The following POLG variants were observed in gnomAD, a reference collection of about 807,000 sequenced individuals.
The protein encoded by POLG is DNA polymerase subunit gamma-1.
In POLG, 110 loss-of-function variants were observed where a neutral mutation model predicts 155.4. That is an observed-to-expected ratio of 0.71 (90% CI 0.61 to 0.83). The LOEUF (loss-of-function observed/expected upper bound fraction) is 0.83, where lower values mean the gene tolerates loss of function less well. Among genes scored for constraint, POLG ranks in the 40% least tolerant of loss-of-function variants. The pLI is 0.00. For missense variants in POLG, 1,685 were observed against 1,627.5 expected, an observed-to-expected ratio of 1.04 and a Z score of -0.61; for synonymous variants, 701 against 631.5, an observed-to-expected ratio of 1.11 and a Z score of -1.65.
chr15:89,316,637 T>A lies in POLG; in HGVS notation c.*114A>T. 8.7e-7 allele frequency: 1 copy of A among 1,150,338 alleles called. No homozygotes were observed. Among genetic ancestry groups the A allele is most frequent in the African/African-American group, 1.5e-5 (1 of 65,492 alleles). The allele number at this position is 1,150,338 out of a possible 1,614,324, so 71.3% of individuals were successfully genotyped here. Reference sequence around the variant, plus strand: ...CTTGGCAGGTCCTGCTACTGAAAAATGGCTGGCCTTAGGCAAGCCCTTTTG... The same window carrying A: ...CTTGGCAGGTCCTGCTACTGAAAAAAGGCTGGCCTTAGGCAAGCCCTTTTG... On this transcript the variant is annotated 3_prime_UTR_variant, in exon 23 of 23. Coordinates refer to ENST00000268124, the MANE Select transcript of POLG (RefSeq NM_002693.3).
chr15:89,325,207 AGAGTGAGT>A (rs1160459800), intron 10 of POLG, among the ~76,000 whole-genome samples: 4 of 67,314 alleles, frequency 5.9e-5, no homozygotes, highest in Admixed American at 1.2e-4. Context: ...AGTGAGTGAG[AGAGTGAGT>A]GAGTGAGAGA....
chr15:89,333,920 G>A lies in POLG; in HGVS notation c.-159-7C>T, dbSNP rs187776696. ...CTGCCTTCCACCCCAAATCCTAAAGGAGACAGATGATATAAAGCGTTATTT... is the reference window on the plus strand; with the variant it reads ...CTGCCTTCCACCCCAAATCCTAAAGAAGACAGATGATATAAAGCGTTATTT... On this transcript the variant is annotated splice_region_variant and splice_polypyrimidine_tract_variant and intron_variant, in intron 1 of 22. Coordinates refer to ENST00000268124, the MANE Select transcript of POLG (RefSeq NM_002693.3). 1.4e-6 allele frequency: 1 copy of A among 714,392 alleles called. No individual in the cohort carries two copies. Among genetic ancestry groups the A allele is most frequent in the Non-Finnish European group, 2.3e-6 (1 of 427,630 alleles). The allele number at this position is 714,392 out of a possible 1,614,324, so 44.3% of individuals were successfully genotyped here. A position where few individuals can be genotyped will look rare whatever the true frequency, so the allele number is the denominator to read the frequency against.
chr15:89,320,677 G>A, intron 18 of POLG, 89 bp downstream of exon 18: 1 of 1,444,876 alleles, frequency 6.9e-7, no homozygotes, highest in Non-Finnish European at 9.6e-7. Context: ...CAAGTAATGG[G>A]CAGGAGATAG....
intron 2 of POLG, among the ~76,000 whole-genome samples, chr15:89,331,450 G>A (rs1257573002): frequency 3.3e-5 from 5 of 152,236 alleles, no homozygotes; most frequent in Admixed American, 2.6e-4. Flanking sequence ...CTCTGCAGCT[G>A]TGCATGAAGC....
In POLG at chr15:89,322,026, A is replaced by G; in HGVS notation, c.2427-11T>C. 1 of 1,613,778 alleles carries G rather than the reference A, an allele frequency of 6.2e-7. No individual in the cohort carries two copies. Among genetic ancestry groups the G allele is most frequent in the Non-Finnish European group, 8.5e-7 (1 of 1,179,646 alleles). On this transcript the variant is annotated splice_polypyrimidine_tract_variant and intron_variant, in intron 14 of 22. Transcript: ENST00000268124. ...ACCACCATCTGGGAGCTGTGGGGACAGACAACGTGAGGCTCAGCACAGCCA... is the reference window on the plus strand; with the variant it reads ...ACCACCATCTGGGAGCTGTGGGGACGGACAACGTGAGGCTCAGCACAGCCA...
intron 12 of POLG, 145 bp from the exon 13 acceptor site, chr15:89,323,656 T>A (rs2055430246): frequency 1.2e-6 from 1 of 818,220 alleles, no homozygotes; most frequent in Non-Finnish European, 2.1e-6. Context: ...ACCCAGGCTT[T>A]CTCCTTGCTC....
rs769536434 is a variant in POLG, at chr15:89,321,928, TCTC to T, written c.2480+31_2480+33del. 8.7e-6 allele frequency: 14 copies of T among 1,612,302 alleles called. No homozygotes were observed. In the Middle Eastern group the frequency reaches 5.0e-4, roughly 57 times the overall value. ...TTAGGACCTACCACCTCACCTCAGT[TCTC>T]CTATCCCTACAACCACTCAGCAGAC... On this transcript the variant is annotated intron_variant, in intron 15 of 22. Coordinates refer to ENST00000268124, the MANE Select transcript of POLG (RefSeq NM_002693.3).
At chr15:89,325,803 C>T in intron 9 of POLG, 117 bp from the exon 10 acceptor site, 2 of 843,618 alleles carry the variant, frequency 2.4e-6, no homozygotes, top group South Asian at 2.7e-5. Flanking sequence ...TTTCTGGTGA[C>T]CCCAGCCTAC....
Position 89,333,524 on chromosome 15 carries a change from C to G in POLG, c.231G>C (p.Gln77His), listed in dbSNP as rs750555988. The G allele has an allele frequency of 6.2e-7, 1 of 1,612,928 alleles. No homozygotes were observed. The highest frequency in any genetic ancestry group is 8.5e-7 in the Non-Finnish European group (1 of 1,179,716). ...GQLRHNPLDI[Q>H]MLSRGLHEQI... ...GCTCGTGCAGCCCTCTCGAGAGCATCTGGATGTCCAATGGGTTGTGCCGCA... is the reference window on the plus strand; with the variant it reads ...GCTCGTGCAGCCCTCTCGAGAGCATGTGGATGTCCAATGGGTTGTGCCGCA... Residue 77 changes from glutamine to histidine, a missense_variant, in exon 2 of 23, where the codon CAG (glutamine) becomes CAC (histidine). Transcript: ENST00000268124.
intron 2 of POLG, 44 bp downstream of exon 2, chr15:89,333,052 G>A (rs756443693): frequency 2.7e-6 from 4 of 1,499,738 alleles, no homozygotes; most frequent in East Asian, 4.6e-5. Flanking sequence ...CTATTAAGCT[G>A]GGCCCCCATG....
At chr15:89,317,220 C>G (rs2055301061) in intron 22 of POLG, 156 bp downstream of exon 22, 14 of 689,736 alleles carry the variant, frequency 2.0e-5, no homozygotes, top group Non-Finnish European at 3.4e-5. Flanking sequence ...CACATTCACT[C>G]TGGACACAGG....
chr15:89,327,719 C>T (rs1369322359), intron 6 of POLG, among the ~76,000 whole-genome samples: 1 of 152,096 alleles, frequency 6.6e-6, no homozygotes, highest in African/African-American at 2.4e-5. Context: ...TGGTAAAATA[C>T]AGCTGACATT....
chr15:89,320,663 A>T, intron 18 of POLG, 103 bp downstream of exon 18: 1 of 1,311,042 alleles, frequency 7.6e-7, no homozygotes, highest in Non-Finnish European at 1.1e-6. Flanking sequence ...GCTAGGTGAG[A>T]GTTCAAGTAA....
At chr15:89,317,584 A>G in intron 21 of POLG, 48 bp from the exon 22 acceptor site, 1 of 1,573,040 alleles carries the variant, frequency 6.4e-7, no homozygotes, top group African/African-American at 1.3e-5. Flanking sequence ...TCCTGTGAAC[A>G]GATGCATCAC....
intron 14 of POLG, 59 bp downstream of exon 14, chr15:89,322,683 G>T: frequency 6.4e-7 from 1 of 1,558,302 alleles, no homozygotes; most frequent in Non-Finnish European, 8.8e-7. Context: ...GTTAGTCAGG[G>T]GTCCCTGGGT....
At position 89,330,106 on chromosome 15, in the gene POLG, T is replaced by A. The variant is rs138929605; in HGVS notation, c.830A>T (p.His277Leu). 6.6e-4 allele frequency: 1,068 copies of A among 1,614,118 alleles called. No homozygotes were observed. Among genetic ancestry groups the A allele is most frequent in the Non-Finnish European group, 8.3e-4 (977 of 1,180,008 alleles). Residue 277 changes from histidine to leucine, a missense_variant, in exon 3 of 23, where the codon CAT becomes CTT. By Grantham distance (99) the His-to-Leu change is moderately conservative (BLOSUM62 -3). Transcript: ENST00000268124. ...CTGGATCAGGTACTGCTCCCTGATATGAGCTCGGTCAAAGGAAACATTGTG... is the reference window on the plus strand; with the variant it reads ...CTGGATCAGGTACTGCTCCCTGATAAGAGCTCGGTCAAAGGAAACATTGTG... ...VGHNVSFDRA[H>L]IREQYLIQGS...
intron 11 of POLG, 38 bp downstream of exon 11, chr15:89,324,069 T>G: frequency 6.2e-7 from 1 of 1,613,316 alleles, no homozygotes; most frequent in Non-Finnish European, 8.5e-7. Context: ...TACAGAGACC[T>G]CCCCTCCCCA....
intron 10 of POLG, among the ~76,000 whole-genome samples, chr15:89,325,159 T>A (rs62022592): frequency 2.3e-3 from 101 of 43,280 alleles, no homozygotes; most frequent in East Asian, 0.019. Flanking sequence ...AGTGAGTGAG[T>A]GAGTGAGTGA....
rs376459207 is a variant in POLG, at chr15:89,320,876, A to T, written c.2871T>A (p.Ala957=). The part of the protein sequence containing the change: ...KIFNYGRIYG[A]GQPFAERLLM... The stretch of plus-strand genomic sequence containing the variant: ...GTAAGCGCTCAGCAAAGGGCTGCCC[A>T]GCACCATAGATGCGGCCGTAGTTGA... The change falls in exon 18 of 23, where the codon GCT becomes GCA. Residue 957 remains alanine (A), a synonymous_variant. Coordinates refer to ENST00000268124, the MANE Select transcript of POLG (RefSeq NM_002693.3). 1 of 1,614,048 alleles carries T rather than the reference A, an allele frequency of 6.2e-7. No individual in the cohort carries two copies. The highest frequency in any genetic ancestry group is 8.5e-7 in the Non-Finnish European group (1 of 1,180,036).
Sources: allele counts gnomAD v4.1 joint callset (sites outside exome capture counted in the v4.1 genomes callset), GRCh38; gene constraint gnomAD v4.1.1; transcripts MANE v1.5; gene names NCBI Gene and HGNC (gene_info 2026-07-23, HGNC 2026-07-21).